The following NSDHL variants were observed in gnomAD, a reference collection of about 807,000 sequenced individuals.
NSDHL encodes the protein sterol-4-alpha-carboxylate 3-dehydrogenase, decarboxylating.
Under a neutral mutation model 23.0 loss-of-function variants are expected in NSDHL, and 1 was observed. The observed-to-expected ratio is 0.04, with a 90% CI of 0.02 to 0.21. The LOEUF is 0.21. Among genes scored for constraint, NSDHL ranks in the 10% least tolerant of loss-of-function variants. The pLI is 1.00. For missense variants in NSDHL, 237 were observed against 300.9 expected (o/e 0.79, Z 1.57); for synonymous variants, 128 against 121.1 (o/e 1.06, Z -0.37).
rs1556847221 is a variant in NSDHL, at chrX:152,858,776, T to G, written c.274T>G (p.Tyr92Asp). ...LGDLCSRQDLYPALKGVNTVF... is the reference protein window; with the variant it reads ...LGDLCSRQDLDPALKGVNTVF... ...TCTTTCTTTGCTTTTCCAGGATCTG[T>G]ACCCAGCTCTGAAAGGTGTAAACAC... Residue 92 changes from tyrosine (Y) to aspartate (D), a missense_variant, in exon 4 of 8, where the codon TAC (tyrosine) becomes GAC (aspartate). Coordinates refer to ENST00000370274, the MANE Select transcript of NSDHL (RefSeq NM_015922.3). 8.3e-7 allele frequency: 1 copy of G among 1,209,387 alleles called. No homozygotes were observed. Among genetic ancestry groups the G allele is most frequent in the Non-Finnish European group, 1.1e-6 (1 of 894,340 alleles).
At position 152,831,087 on chromosome X, in the gene NSDHL, T is replaced by C; in HGVS notation, c.-74T>C. On this transcript the variant is annotated 5_prime_UTR_variant, in exon 1 of 8. Coordinates refer to ENST00000370274, the MANE Select transcript of NSDHL (RefSeq NM_015922.3). ...CAGTGGGTGCAGCCTGCTTGCGAGCTGAGGCCAGACAGGGGGGCGCCTACG... is the reference window on the plus strand; with the variant it reads ...CAGTGGGTGCAGCCTGCTTGCGAGCCGAGGCCAGACAGGGGGGCGCCTACG... The C allele has an allele frequency of 3.3e-6, 1 of 302,002 alleles. No individual in the cohort carries two copies. Among genetic ancestry groups the C allele is most frequent in the Non-Finnish European group, 5.8e-6 (1 of 173,189 alleles). The allele number at this position is 302,002 out of a possible 1,213,427, so 24.9% of individuals were successfully genotyped here.
chrX:152,868,960 C>T lies in NSDHL; in HGVS notation c.966C>T (p.Pro322=), dbSNP rs781843908. 2.1e-5 allele frequency: 25 copies of T among 1,210,561 alleles called. No homozygotes were observed. The highest frequency in any genetic ancestry group is 2.3e-4 in the Middle Eastern group (1 of 4,376). The change falls in exon 8 of 8, where the codon CCC becomes CCT. Residue 322 remains proline (P), a synonymous_variant. Transcript: ENST00000370274. ...TCAGTCCTGTCATCCAGCTGCAGCCCACCTTCACACCCATGCGGGTCGCAC... is the reference window on the plus strand; with the variant it reads ...TCAGTCCTGTCATCCAGCTGCAGCCTACCTTCACACCCATGCGGGTCGCAC... ...MVISPVIQLQ[P]TFTPMRVALA...
intron 5 of NSDHL, among the ~76,000 whole-genome samples, chrX:152,864,039 G>A (rs1933568494): frequency 9.0e-6 from 1 of 111,694 alleles, no homozygotes; most frequent in Non-Finnish European, 1.9e-5. Context: ...AGCCTCCTGA[G>A]TAGCTGGGAT....
At chrX:152,837,136 T>C (rs1933110431) in intron 1 of NSDHL, among the ~76,000 whole-genome samples, 1 of 112,141 alleles carries the variant, frequency 8.9e-6, no homozygotes, top group African/African-American at 3.2e-5. Flanking sequence ...ATGCTTGTGA[T>C]TTTTGCACAT....
chrX:152,837,279 C>T (rs1212310081), intron 1 of NSDHL, among the ~76,000 whole-genome samples: 1 of 110,812 alleles, frequency 9.0e-6, no homozygotes, highest in Non-Finnish European at 1.9e-5. Flanking sequence ...TAATTGAATA[C>T]CCTTTATTTC....
chrX:152,867,596 A>G lies in NSDHL; in HGVS notation c.712A>G (p.Thr238Ala). The G allele has an allele frequency of 8.3e-7, 1 of 1,208,469 alleles. No individual in the cohort carries two copies. The highest frequency in any genetic ancestry group is 1.1e-6 in the Non-Finnish European group (1 of 892,683). The change falls in exon 7 of 8, where the codon ACC (threonine) becomes GCC (alanine). Residue 238 changes from threonine to alanine, a missense_variant. Thr to Ala is a moderately conservative substitution (Grantham distance 58). Around this residue, in one of 3 missense-constraint regions of NSDHL, gnomAD observed 39 missense variants for 98.1 expected, o/e 0.40. Transcript: ENST00000370274. ...IGNGKNLVDF[T>A]FVENVVHGHI... ...AAATGGGAAGAACTTGGTGGACTTC[A>G]CCTTTGTGGAGAACGTGGTCCATGG...
rs1933673767 is a variant in NSDHL at position 152,869,423 on chromosome X, TCCAG to T, written c.*308_*311del. 8.9e-6 allele frequency: 3 copies of T among 336,863 alleles called. No individual in the cohort carries two copies. The highest frequency in any genetic ancestry group is 1.6e-5 in the Non-Finnish European group (3 of 188,176). 27.8% of individuals were successfully genotyped at this position (336,863 alleles called of 1,213,427 possible). The stretch of plus-strand genomic sequence containing the variant: ...CCCTCTTCTGGTTTATACATTTCAT[TCCAG>T]TGTCCTTGTACATAATCAAGGAAGC... On this transcript the variant is annotated 3_prime_UTR_variant, in exon 8 of 8. Transcript: ENST00000370274.
At chrX:152,843,934 C>T (rs916312739) in intron 1 of NSDHL, among the ~76,000 whole-genome samples, 16 of 111,901 alleles carry the variant, frequency 1.4e-4, no homozygotes, top group Non-Finnish European at 3.0e-4. Flanking sequence ...TGCGACAACC[C>T]CAGGAGTTAG....
In NSDHL at chrX:152,858,869, A is replaced by G. The variant is rs369918191; in HGVS notation, c.367A>G (p.Ile123Val). The change falls in exon 4 of 8, where the codon ATT becomes GTT. Residue 123 changes from isoleucine (I) to valine (V), a missense_variant. This residue lies in a region of NSDHL where 81 missense variants were observed against 103.3 expected (regional missense o/e 0.78). Transcript: ENST00000370274. ...NKELFYRVNYIGTKNVIETCK... is the reference protein window; with the variant it reads ...NKELFYRVNYVGTKNVIETCK... ...GGAGCTCTTTTATAGAGTGAATTAC[A>G]TTGGCACCAAGAATGTCATTGAAAC... is the stretch of plus-strand genomic sequence containing the variant. 4.7e-5 allele frequency: 57 copies of G among 1,204,971 alleles called. No individual in the cohort carries two copies. The highest frequency in any genetic ancestry group is 6.0e-5 in the Non-Finnish European group (53 of 890,647).
At chrX:152,857,807 C>T (rs1556847097) in intron 3 of NSDHL, among the ~76,000 whole-genome samples, 3 of 111,050 alleles carry the variant, frequency 2.7e-5, no homozygotes, top group South Asian at 3.8e-4. Flanking sequence ...ACCTGTGAAG[C>T]GTTTAGAGGC....
At chrX:152,854,710 G>A (rs1421273818) in intron 3 of NSDHL, among the ~76,000 whole-genome samples, 1 of 109,845 alleles carries the variant, frequency 9.1e-6, no homozygotes, top group Non-Finnish European at 1.9e-5. Context: ...GCGCCCAGCC[G>A]AGAAGGACTT....
At chrX:152,834,514 C>G (rs1933061538) in intron 1 of NSDHL, among the ~76,000 whole-genome samples, 1 of 113,033 alleles carries the variant, frequency 8.8e-6, no homozygotes, top group Non-Finnish European at 1.9e-5. Flanking sequence ...CTATTGGCCT[C>G]ACTAATCCTA....
At position 152,865,848 on chromosome X, in the gene NSDHL, G is replaced by A. The variant is rs888336786; in HGVS notation, c.573G>A (p.Lys191=). The stretch of plus-strand genomic sequence containing the variant: ...TTCTGGGCGCCAACGATCCTGAGAA[G>A]AATTTCTTAACCACAGCCATCCGCC... The part of the protein sequence containing the change: ...RAVLGANDPE[K]NFLTTAIRPH... The change falls in exon 6 of 8, where the codon AAG becomes AAA. Residue 191 remains lysine (K), a synonymous_variant. Coordinates refer to ENST00000370274, the MANE Select transcript of NSDHL (RefSeq NM_015922.3). 1 of 1,211,474 alleles carries A rather than the reference G, an allele frequency of 8.3e-7. No individual in the cohort carries two copies. Among genetic ancestry groups the A allele is most frequent in the Admixed American group, 2.2e-5 (1 of 46,010 alleles).
intron 1 of NSDHL, among the ~76,000 whole-genome samples, chrX:152,836,447 A>C (rs1933097838): frequency 8.9e-6 from 1 of 111,917 alleles, no homozygotes; most frequent in Non-Finnish European, 1.9e-5. Context: ...TCTAACATTT[A>C]AGTCTTTAAT....
intron 1 of NSDHL, among the ~76,000 whole-genome samples, chrX:152,837,943 G>A (rs1249600413): frequency 1.8e-5 from 2 of 111,531 alleles, no homozygotes; most frequent in Non-Finnish European, 3.8e-5. Context: ...TTTTTGGTTG[G>A]TAGGCTATTA....
In NSDHL at chrX:152,867,690, C is replaced by T. The variant is rs368180012; in HGVS notation, c.789+17C>T. 273 of 1,105,953 alleles carry T rather than the reference C, an allele frequency of 2.5e-4. 1 individual carries two copies. In the Middle Eastern group the frequency reaches 3.9e-3, roughly 16 times the overall value. The allele number at this position is 1,105,953 out of a possible 1,213,427, so 91.1% of individuals were successfully genotyped here. On this transcript the variant is annotated intron_variant, in intron 7 of 7. Coordinates refer to ENST00000370274, the MANE Select transcript of NSDHL (RefSeq NM_015922.3). ...GGTGGGAAGGTAAGGCCTGCTGCAC[C>T]GGTCCCTGCACAGGTGCCTTTCTGC...
At chrX:152,858,308 C>A (rs1351928202) in intron 3 of NSDHL, among the ~76,000 whole-genome samples, 1 of 112,168 alleles carries the variant, frequency 8.9e-6, no homozygotes, top group Non-Finnish European at 1.9e-5. Context: ...ATCAAACAGA[C>A]CTGTTTTAAA....
At chrX:152,853,168 TATGCCTGCTGGAC>T (rs1490509899) in intron 3 of NSDHL, among the ~76,000 whole-genome samples, 4 of 107,422 alleles carry the variant, frequency 3.7e-5, no homozygotes, top group Non-Finnish European at 7.7e-5. Flanking sequence ...TATGTGTGTG[TATGCCTGCTGGAC>T]ATCCCTGTTT....
At position 152,846,321 on chromosome X, in the gene NSDHL, C is replaced by T. The variant is rs375129259; in HGVS notation, c.-4C>T. 10 of 1,196,313 alleles carry T rather than the reference C, an allele frequency of 8.4e-6. No homozygotes were observed. The highest frequency in any genetic ancestry group is 1.8e-5 in the South Asian group (1 of 56,568). ...TTACAAACGGGACCATATTTTGCTT[C>T]GAAATGGAACCAGCAGTTAGCGAGC... On this transcript the variant is annotated 5_prime_UTR_variant, in exon 2 of 8. Transcript: ENST00000370274.
Sources: allele counts gnomAD v4.1 joint callset (sites outside exome capture counted in the v4.1 genomes callset), GRCh38; gene constraint gnomAD v4.1.1; regional missense constraint gnomAD v4.1.1; transcripts MANE v1.5; gene names NCBI Gene and HGNC (gene_info 2026-07-23, HGNC 2026-07-21).